Variants in TRPV3 observed in about 807,000 individuals in gnomAD.
The protein encoded by TRPV3 is transient receptor potential cation channel subfamily V member 3.
Under a neutral mutation model 87.1 loss-of-function variants are expected in TRPV3, and 88 were observed. The observed-to-expected ratio is 1.01, with a 90% CI of 0.85 to 1.21. The LOEUF (loss-of-function observed/expected upper bound fraction) is 1.21. Among genes scored for constraint, TRPV3 ranks in the 50% most tolerant of loss-of-function variants. The pLI is 0.00. For synonymous variants in TRPV3, 438 were observed against 423.3 expected, an observed-to-expected ratio of 1.03 and a Z score of -0.43; for missense variants, 1,054 against 1,030.1, an observed-to-expected ratio of 1.02 and a Z score of -0.32.
intron 2 of TRPV3, among the ~76,000 whole-genome samples, chr17:3,550,973 T>A (rs868778785): frequency 1.1e-4 from 16 of 152,332 alleles, no homozygotes; most frequent in Middle Eastern, 6.8e-3. Flanking sequence ...ATCATCCCAA[T>A]GACCATGTCA....
chr17:3,547,985 C>A (rs2074541946), intron 2 of TRPV3, among the ~76,000 whole-genome samples: 1 of 152,198 alleles, frequency 6.6e-6, no homozygotes. Context: ...TGACGACAAC[C>A]CGGACTGTGA....
At chr17:3,534,873 G>A (rs945152902) in intron 7 of TRPV3, among the ~76,000 whole-genome samples, 1 of 152,016 alleles carries the variant, frequency 6.6e-6, no homozygotes, top group Non-Finnish European at 1.5e-5. Context: ...CTGTAAAATG[G>A]GGCTGCCTCC....
chr17:3,530,228 T>C lies in TRPV3; in HGVS notation c.1066-25A>G, dbSNP rs1219983484. ...TCTGGGACAGGAGGAGGAACAACCA[T>C]CAGCTGCAGAACAGGGGCTTAAGGC... is the stretch of plus-strand genomic sequence containing the variant. On this transcript the variant is annotated intron_variant, in intron 8 of 17. Transcript: ENST00000576742. The surrounding 1 kb of genome is among the most constrained non-coding windows in gnomAD (Gnocchi z 4.0). 2 of 1,598,018 alleles carry C rather than the reference T, an allele frequency of 1.3e-6. No homozygotes were observed. Among genetic ancestry groups the C allele is most frequent in the Middle Eastern group, 1.7e-4 (1 of 6,030 alleles).
At position 3,544,643 on chromosome 17, in the gene TRPV3, T is replaced by C. The variant is rs147660801; in HGVS notation, c.247A>G (p.Met83Val). 1.2e-5 allele frequency: 19 copies of C among 1,609,936 alleles called. No homozygotes were observed. In the African/African-American group the frequency reaches 2.1e-4, roughly 18 times the overall value. Residue 83 changes from methionine to valine, a missense_variant, in exon 4 of 18, where the codon ATG becomes GTG. Met to Val is a conservative substitution (Grantham distance 21). Transcript: ENST00000576742. ...TCCTGAGGAGACTGGGGGGAGTCCA[T>C]GTCATCACAGTTACCAGAGATGCTG... ...RQCISGNCDD[M>V]DSPQSPQDDV...
intron 4 of TRPV3, 127 bp downstream of exon 4, chr17:3,544,452 G>T: frequency 1.7e-6 from 1 of 605,910 alleles, no homozygotes; most frequent in South Asian, 2.1e-5. Context: ...ATGGACCCAT[G>T]ACTCCACTTG....
intron 12 of TRPV3, among the ~76,000 whole-genome samples, chr17:3,526,499 AACG>A (rs1478696913): frequency 4.6e-5 from 7 of 151,872 alleles, no homozygotes; most frequent in African/African-American, 1.4e-4. Context: ...AAAAAACAAC[AACG>A]TAAACAGGAC....
At position 3,510,932 on chromosome 17, in the gene TRPV3, A is replaced by C. The variant is rs1419516579; in HGVS notation, c.*2985T>G. ...CAGCACCTTCTCCCACATCCCAGGG[A>C]GGAAGGTTAAGCACCTTTTATTCCT... On this transcript the variant is annotated 3_prime_UTR_variant, in exon 18 of 18. Transcript: ENST00000576742. The C allele has an allele frequency of 6.6e-6, 1 of 152,268 alleles. No homozygotes were observed. The highest frequency in any genetic ancestry group is 1.5e-5 in the Non-Finnish European group (1 of 68,058). The allele number at this position is 152,268 out of a possible 1,614,324, so 9.4% of individuals were successfully genotyped here.
chr17:3,536,998 G>C (rs1045866475), intron 6 of TRPV3, among the ~76,000 whole-genome samples: 1 of 152,200 alleles, frequency 6.6e-6, no homozygotes, highest in Non-Finnish European at 1.5e-5. Flanking sequence ...TAGAAAGTTT[G>C]TTTATAGCTA....
chr17:3,532,929 G>A lies in TRPV3; in HGVS notation c.793C>T (p.Pro265Ser). The A allele has an allele frequency of 6.2e-7, 1 of 1,614,000 alleles. No individual in the cohort carries two copies. Among genetic ancestry groups the A allele is most frequent in the Non-Finnish European group, 8.5e-7 (1 of 1,180,004 alleles). ...QHEGFYFGETPLALAACTNQP... is the reference protein window; with the variant it reads ...QHEGFYFGETSLALAACTNQP... The stretch of plus-strand genomic sequence containing the variant: ...TTGGTGCATGCTGCCAGGGCCAGGG[G>A]CGTCTCACCTGGGGGATGAGCGCAC... The change falls in exon 8 of 18, where the codon CCC becomes TCC. Residue 265 changes from proline (P) to serine (S), a missense_variant. By Grantham distance (74) the Pro-to-Ser change is moderately conservative. Transcript: ENST00000576742.
chr17:3,536,814 G>A (rs774613257), intron 6 of TRPV3, among the ~76,000 whole-genome samples: 3 of 152,154 alleles, frequency 2.0e-5, no homozygotes, highest in Non-Finnish European at 4.4e-5. Flanking sequence ...GGTAGCGGGA[G>A]AGACACTAAG....
At chr17:3,551,366 T>A (rs2074572281) in intron 2 of TRPV3, among the ~76,000 whole-genome samples, 1 of 152,228 alleles carries the variant, frequency 6.6e-6, no homozygotes, top group Non-Finnish European at 1.5e-5. Context: ...CCCAGCGTCA[T>A]AAGCACATGG....
At position 3,516,508 on chromosome 17, in the gene TRPV3, C is replaced by T. The variant is rs756150733; in HGVS notation, c.2147G>A (p.Arg716Gln). 3.3e-5 allele frequency: 54 copies of T among 1,614,010 alleles called. No individual in the cohort carries two copies. In the East Asian group the frequency reaches 4.2e-4, roughly 13 times the overall value. Residue 716 changes from arginine to glutamine, a missense_variant, in exon 16 of 18, where the codon CGG becomes CAG. Coordinates refer to ENST00000576742, the MANE Select transcript of TRPV3 (RefSeq NM_145068.4). ...MLPEWLRSRF[R>Q]MGELCKVAED... ...GGCCACTTTGCACAGCTCTCCCATCCGGAATCTGCTCCTCAGCCATTCTGG... is the reference window on the plus strand; with the variant it reads ...GGCCACTTTGCACAGCTCTCCCATCTGGAATCTGCTCCTCAGCCATTCTGG...
Position 3,511,912 on chromosome 17 carries a change from GCAT to G in TRPV3, c.*2002_*2004del, listed in dbSNP as rs542685050. 1 of 152,150 alleles carries G rather than the reference GCAT, an allele frequency of 6.6e-6. No homozygotes were observed. Among genetic ancestry groups the G allele is most frequent in the Non-Finnish European group, 1.5e-5 (1 of 68,026 alleles). 9.4% of individuals were successfully genotyped at this position (152,150 alleles called of 1,614,324 possible). On this transcript the variant is annotated 3_prime_UTR_variant, in exon 18 of 18. Coordinates refer to ENST00000576742, the MANE Select transcript of TRPV3 (RefSeq NM_145068.4). The stretch of plus-strand genomic sequence containing the variant: ...TCCCAGCTCCATAGTGTGGAGCTTG[GCAT>G]CATGAATCCAAACCACTTCCTTTCA...
chr17:3,535,750 C>G, intron 6 of TRPV3, 37 bp from the exon 7 acceptor site: 1 of 1,434,156 alleles, frequency 7.0e-7, no homozygotes, highest in Non-Finnish European at 9.1e-7. Flanking sequence ...AGCCTCAGCG[C>G]CGGGCACAGG....
At chr17:3,541,124 G>C (rs2074455170) in intron 6 of TRPV3, among the ~76,000 whole-genome samples, 1 of 152,198 alleles carries the variant, frequency 6.6e-6, no homozygotes, top group Admixed American at 6.5e-5. Context: ...CCAGCACTTT[G>C]GGAGGTGAAG....
Position 3,513,121 on chromosome 17 carries a change from G to A in TRPV3, c.*796C>T, listed in dbSNP as rs1332425971. 1 of 152,608 alleles carries A rather than the reference G, an allele frequency of 6.6e-6. No homozygotes were observed. The highest frequency in any genetic ancestry group is 2.4e-5 in the African/African-American group (1 of 41,440). The allele number at this position is 152,608 out of a possible 1,614,324, so 9.5% of individuals were successfully genotyped here. ...TTTTGTCTTGCTCTGGGCACCCTGA[G>A]GCCAAATATATAATACTTACATCCA... On this transcript the variant is annotated 3_prime_UTR_variant, in exon 18 of 18. Coordinates refer to ENST00000576742, the MANE Select transcript of TRPV3 (RefSeq NM_145068.4).
chr17:3,523,142 A>G (rs2074262829), intron 13 of TRPV3, among the ~76,000 whole-genome samples: 1 of 152,220 alleles, frequency 6.6e-6, no homozygotes, highest in South Asian at 2.1e-4. Context: ...TGGAGAAACT[A>G]TTAATCCAGT....
At chr17:3,519,498 ATGGATGGG>A (rs2074217961) in intron 14 of TRPV3, among the ~76,000 whole-genome samples, 1 of 149,424 alleles carries the variant, frequency 6.7e-6, no homozygotes, top group Non-Finnish European at 1.5e-5. Flanking sequence ...GGATGGATGG[ATGGATGGG>A]TGATTAGATG....
chr17:3,538,437 CAAAA>C (rs1157337439), intron 6 of TRPV3, among the ~76,000 whole-genome samples: 5 of 74,474 alleles, frequency 6.7e-5, no homozygotes, highest in Admixed American at 3.3e-4. Context: ...TGGAAAAGAA[CAAAA>C]AAAAAAAAAA....
Sources: allele counts gnomAD v4.1 joint callset (sites outside exome capture counted in the v4.1 genomes callset), GRCh38; gene constraint gnomAD v4.1.1; non-coding constraint Gnocchi (gnomAD v3.1); transcripts MANE v1.5; gene names NCBI Gene and HGNC (gene_info 2026-07-23, HGNC 2026-07-21).